Variants in PDE11A observed in about 807,000 individuals in gnomAD.
The protein encoded by PDE11A is phosphodiesterase 11A.
PDE11A carries 100 observed loss-of-function variants against 100.5 expected under a neutral mutation model. The ratio of observed to expected loss-of-function variants is 1.00; its 90% confidence interval spans 0.85 to 1.18. The LOEUF (loss-of-function observed/expected upper bound fraction) is 1.18. Ranked by LOEUF, PDE11A falls within the 50% of genes most tolerant of loss-of-function variation. The probability of loss-of-function intolerance (pLI) is 0.00; values close to 1 mark genes in which losing one functional copy is unlikely to be tolerated. For synonymous variants in PDE11A, 381 were observed against 420.8 expected (o/e 0.91, Z 1.16); for missense variants, 1,141 against 1,152.6 (o/e 0.99, Z 0.15).
chr2:177,641,835 T>G (rs570999052), intron 19 of PDE11A, among the ~76,000 whole-genome samples: 1 of 152,310 alleles, frequency 6.6e-6, no homozygotes, highest in South Asian at 2.1e-4. Flanking sequence ...AAATTAATAA[T>G]AATTATTTAT....
intron 1 of PDE11A, among the ~76,000 whole-genome samples, chr2:178,023,256 A>G (rs2086436482): frequency 6.6e-6 from 1 of 152,202 alleles, no homozygotes; most frequent in Non-Finnish European, 1.5e-5. Flanking sequence ...CTCTGAACTC[A>G]GCTTTCATGT....
At chr2:178,085,455 C>T (rs2087337803) in intron 2 of PDE11A, among the ~76,000 whole-genome samples, 1 of 152,026 alleles carries the variant, frequency 6.6e-6, no homozygotes, top group African/African-American at 2.4e-5. Flanking sequence ...TGATGGCATC[C>T]ATACTCCAAA....
At chr2:177,759,855 T>C (rs2082145242) in intron 10 of PDE11A, among the ~76,000 whole-genome samples, 1 of 152,182 alleles carries the variant, frequency 6.6e-6, no homozygotes, top group East Asian at 1.9e-4. Flanking sequence ...AAGAGTACCA[T>C]AAACAGTCTT....
chr2:177,913,903 T>G (rs921251307), intron 2 of PDE11A, among the ~76,000 whole-genome samples: 5 of 152,168 alleles, frequency 3.3e-5, no homozygotes, highest in African/African-American at 1.2e-4. Context: ...AGTGGAATTT[T>G]AAGGTTGAAG....
intron 2 of PDE11A, among the ~76,000 whole-genome samples, chr2:177,961,228 T>C (rs2085628380): frequency 1.3e-5 from 2 of 152,006 alleles, no homozygotes; most frequent in South Asian, 2.1e-4. Flanking sequence ...TCTTTCTCTG[T>C]CCCAGAAGAG....
intron 2 of PDE11A, among the ~76,000 whole-genome samples, chr2:177,934,225 A>C (rs1261168862): frequency 2.6e-5 from 4 of 152,240 alleles, no homozygotes; most frequent in Non-Finnish European, 4.4e-5. Flanking sequence ...AAACATTTGC[A>C]AACTATGCAT....
At chr2:177,920,377 G>T (rs2085023048) in intron 2 of PDE11A, among the ~76,000 whole-genome samples, 1 of 151,792 alleles carries the variant, frequency 6.6e-6, no homozygotes, top group Admixed American at 6.6e-5. Context: ...TAAACAGGAA[G>T]TTTGCCAAAA....
At chr2:177,764,758 G>A (rs954538699) in intron 10 of PDE11A, among the ~76,000 whole-genome samples, 1 of 152,202 alleles carries the variant, frequency 6.6e-6, no homozygotes, top group Non-Finnish European at 1.5e-5. Flanking sequence ...ATCAGTAAAT[G>A]TTAATGAGGA....
At chr2:177,930,230 G>C (rs2085187303) in intron 2 of PDE11A, among the ~76,000 whole-genome samples, 1 of 152,196 alleles carries the variant, frequency 6.6e-6, no homozygotes, top group Admixed American at 6.5e-5. Context: ...AAACAGATTA[G>C]AGGCTGTTTT....
chr2:177,962,680 G>A (rs2085649700), intron 2 of PDE11A, among the ~76,000 whole-genome samples: 1 of 152,114 alleles, frequency 6.6e-6, no homozygotes, highest in Admixed American at 6.5e-5. Context: ...AAGTTACACT[G>A]CAAAATAAAT....
intron 1 of PDE11A, among the ~76,000 whole-genome samples, chr2:178,061,479 A>G (rs2086968854): frequency 6.6e-6 from 1 of 152,164 alleles, no homozygotes; most frequent in Non-Finnish European, 1.5e-5. Context: ...TCTTGAGACA[A>G]AATAAAGTTT....
chr2:177,820,304 C>A lies in PDE11A; in HGVS notation c.1501-9G>T. Reference sequence around the variant, plus strand: ...CCAGATATCTGGTCTGCCTAGGAAACAAGAAAGAAGTTAATTAAAATTGAA... The same window carrying A: ...CCAGATATCTGGTCTGCCTAGGAAAAAAGAAAGAAGTTAATTAAAATTGAA... On this transcript the variant is annotated splice_polypyrimidine_tract_variant and intron_variant, in intron 6 of 19. Transcript: ENST00000286063. 6.6e-7 allele frequency: 1 copy of A among 1,518,454 alleles called. No individual in the cohort carries two copies. Among genetic ancestry groups the A allele is most frequent in the Non-Finnish European group, 9.1e-7 (1 of 1,094,166 alleles). 94.1% of individuals were successfully genotyped at this position (1,518,454 alleles called of 1,614,324 possible). A position where few individuals can be genotyped will look rare whatever the true frequency, so the allele number is the denominator to read the frequency against.
At chr2:177,681,532 C>T (rs11901771) in intron 15 of PDE11A, among the ~76,000 whole-genome samples, 5,847 of 152,242 alleles carry the variant, frequency 0.038, 358 homozygotes, top group African/African-American at 0.13. Flanking sequence ...TGCTAACTCA[C>T]AGAGTTACTG....
intron 9 of PDE11A, among the ~76,000 whole-genome samples, chr2:177,795,935 CTATATATATATATA>C (rs55861102): frequency 0.082 from 5,515 of 67,234 alleles, 505 homozygotes; most frequent in African/African-American, 0.16. Flanking sequence ...TTTGTTTAAA[CTATATATATATATA>C]TATATATATA....
chr2:177,680,573 T>C (rs2080847947), intron 16 of PDE11A, among the ~76,000 whole-genome samples: 1 of 152,176 alleles, frequency 6.6e-6, no homozygotes, highest in African/African-American at 2.4e-5. Context: ...AAATCATGGC[T>C]TGCCAAAACT....
Position 177,701,206 on chromosome 2 carries a change from C to G in PDE11A, c.2159G>C (p.Gly720Ala), listed in dbSNP as rs1344945500. Residue 720 changes from glycine (G) to alanine (A), a missense_variant, in exon 14 of 20, where the codon GGC becomes GCC. Transcript: ENST00000286063. ...GTNNAFQAKSGSALAQLYGTS... is the reference protein window; with the variant it reads ...GTNNAFQAKSASALAQLYGTS... ...TCCATAGAGTTGGGCCAGGGCAGAGCCACTCCTGAAAGAGGACAGAGGGTG... is the reference window on the plus strand; with the variant it reads ...TCCATAGAGTTGGGCCAGGGCAGAGGCACTCCTGAAAGAGGACAGAGGGTG... 1.3e-6 allele frequency: 2 copies of G among 1,552,958 alleles called. No individual in the cohort carries two copies. Among genetic ancestry groups the G allele is most frequent in the Non-Finnish European group, 8.9e-7 (1 of 1,124,362 alleles).
chr2:177,925,226 G>A (rs1160774650), intron 2 of PDE11A, among the ~76,000 whole-genome samples: 1 of 151,250 alleles, frequency 6.6e-6, no homozygotes, highest in Admixed American at 6.6e-5. Context: ...ATGATTTATA[G>A]TCCTTTGGGT....
At chr2:178,093,645 C>T (rs1282876280) in intron 2 of PDE11A, among the ~76,000 whole-genome samples, 2 of 152,142 alleles carry the variant, frequency 1.3e-5, no homozygotes, top group Admixed American at 1.3e-4. Context: ...GACATGAAAC[C>T]TAGACCAGAG....
intron 19 of PDE11A, among the ~76,000 whole-genome samples, chr2:177,633,589 T>C (rs999047788): frequency 6.6e-6 from 1 of 152,232 alleles, no homozygotes; most frequent in African/African-American, 2.4e-5. Context: ...AGTTATTTCA[T>C]ATGATAATAA....
Sources: allele counts gnomAD v4.1 joint callset (sites outside exome capture counted in the v4.1 genomes callset), GRCh38; gene constraint gnomAD v4.1.1; transcripts MANE v1.5; gene names NCBI Gene and HGNC (gene_info 2026-07-23, HGNC 2026-07-21).